CLN8: variants seen among roughly 807,000 people sequenced by gnomAD.
CLN8 encodes CLN8 transmembrane ER and ERGIC protein, also known as protein CLN8.
CLN8 carries 14 observed loss-of-function variants against 15.7 expected under a neutral mutation model. The ratio of observed to expected loss-of-function variants is 0.89; its 90% CI spans 0.59 to 1.39. The LOEUF is 1.39. CLN8 is among the 40% of genes most tolerant of loss of function. The pLI, the probability that CLN8 is intolerant of heterozygous loss-of-function variation, is 0.00. For missense variants in CLN8, 415 were observed against 364.0 expected, an observed-to-expected ratio of 1.14 and a Z score of -1.14; for synonymous variants, 188 against 151.0, an observed-to-expected ratio of 1.25 and a Z score of -1.80.
rs1369017722 is a variant in CLN8 at position 1,781,952 on chromosome 8, A to AG, written c.*1385_*1386insG. The AG allele has an allele frequency of 6.8e-5, 6 of 87,852 alleles. No homozygotes were observed. Among genetic ancestry groups the AG allele is most frequent in the Admixed American group, 4.2e-4 (4 of 9,430 alleles). The allele number at this position is 87,852 out of a possible 1,614,324, so 5.4% of individuals were successfully genotyped here. On this transcript the variant is annotated 3_prime_UTR_variant, in exon 3 of 3. Transcript: ENST00000331222. The stretch of plus-strand genomic sequence containing the variant: ...GCAATGTTGTTAACAGACATACAGA[A>AG]TTGTGTGTGTGTGTGTGTGTGTGTG...
Position 1,777,649 on chromosome 8 carries a change from C to T in CLN8, c.544-2601C>T, listed in dbSNP as rs189698078. ...TTTTAAATTGTTGAAATCTAAGATG[C>T]AAATACACATTCATCCAGCCCTGCA... is the stretch of plus-strand genomic sequence containing the variant. On this transcript the variant is annotated intron_variant, in intron 2 of 2. Transcript: ENST00000331222. Among the ~76,000 whole-genome samples the T allele has an allele frequency of 2.1e-3, 313 of 151,996 alleles. 4 individuals are homozygous for T. The highest frequency in any genetic ancestry group is 7.2e-3 in the African/African-American group (300 of 41,434).
At position 1,771,319 on chromosome 8, in the gene CLN8, C is replaced by A; in HGVS notation, c.265C>A (p.Pro89Thr). The A allele has an allele frequency of 6.2e-7, 1 of 1,614,140 alleles. No individual in the cohort carries two copies. Among genetic ancestry groups the A allele is most frequent in the Non-Finnish European group, 8.5e-7 (1 of 1,180,034 alleles). The change falls in exon 2 of 3, where the codon CCT becomes ACT. Residue 89 changes from proline (P) to threonine (T), a missense_variant. Coordinates refer to ENST00000331222, the MANE Select transcript of CLN8 (RefSeq NM_018941.4). ...AAGLWALLGD[P>T]VLHADKARGQ... ...AGGCCTGTGGGCTCTGCTGGGGGAC[C>A]CTGTGCTGCATGCCGACAAGGCGCG...
chr8:1,780,463 A>G lies in CLN8; in HGVS notation c.757A>G (p.Lys253Glu), dbSNP rs1801681007. The change falls in exon 3 of 3, where the codon AAG (lysine) becomes GAG (glutamate). Residue 253 changes from lysine (K) to glutamate (E), a missense_variant. Lys to Glu is a moderately conservative substitution (Grantham distance 56, BLOSUM62 1). Transcript: ENST00000331222. ...CATTAATCCATATTGGACCCATAAG[A>G]AGACTCAGCAGCTTCTCAATCCGGT... is the stretch of plus-strand genomic sequence containing the variant. ...LIINPYWTHKKTQQLLNPVDW... is the reference protein window; with the variant it reads ...LIINPYWTHKETQQLLNPVDW... The G allele has an allele frequency of 1.2e-6, 2 of 1,614,084 alleles. No homozygotes were observed. The highest frequency in any genetic ancestry group is 1.7e-5 in the Admixed American group (1 of 60,000).
upstream of CLN8, among the ~76,000 whole-genome samples, chr8:1,761,632 TCA>T (rs1399054807): frequency 2.0e-5 from 3 of 152,172 alleles, no homozygotes; most frequent in Non-Finnish European, 4.4e-5. Flanking sequence ...GCCCTGGAGT[TCA>T]GAGTTTTTAA....
At chr8:1,766,073 G>C (rs1462119907) in intron 1 of CLN8, among the ~76,000 whole-genome samples, 1 of 152,200 alleles carries the variant, frequency 6.6e-6, no homozygotes, top group Non-Finnish European at 1.5e-5. Context: ...CACTGAGCCT[G>C]GTTCCTGGTC....
intron 2 of CLN8, chr8:1,773,668 C>T (rs1801402607): frequency 6.6e-6 from 1 of 152,538 alleles, no homozygotes; most frequent in Non-Finnish European, 1.5e-5. Context: ...GGATGCAGGT[C>T]AGGGCTGTGA....
upstream of CLN8, among the ~76,000 whole-genome samples, chr8:1,753,590 G>C (rs1037815794): frequency 8.8e-6 from 1 of 113,268 alleles, no homozygotes; most frequent in Non-Finnish European, 1.9e-5. Context: ...AAAAAAGAAA[G>C]AAAAAGAAAA....
rs1801781860 is a variant in CLN8, at chr8:1,784,476, G to A, written c.*3909G>A. The A allele has an allele frequency of 2.0e-5, 3 of 152,098 alleles. No individual in the cohort carries two copies. Among genetic ancestry groups the A allele is most frequent in the Admixed American group, 2.0e-4 (3 of 15,260 alleles). The allele number at this position is 152,098 out of a possible 1,614,324, so 9.4% of individuals were successfully genotyped here. ...CATTAAGCCATTTGCAAGAGTAGGG[G>A]GCCCCACCTCTTAATACCACCGCAA... On this transcript the variant is annotated 3_prime_UTR_variant, in exon 3 of 3. Transcript: ENST00000331222.
In CLN8 at chr8:1,771,428, A is replaced by T. The variant is rs142269885; in HGVS notation, c.374A>T (p.Asn125Ile). 6.2e-7 allele frequency: 1 copy of T among 1,614,124 alleles called. No individual in the cohort carries two copies. The highest frequency in any genetic ancestry group is 8.5e-7 in the Non-Finnish European group (1 of 1,180,020). ...CFENVAVHLS[N>I]LIFRTFDLFL... ...GAAAATGTTGCAGTCCACCTGTCCA[A>T]CTTGATCTTCCGGACATTTGACTTG... The change falls in exon 2 of 3, where the codon AAC becomes ATC. Residue 125 changes from asparagine (N) to isoleucine (I), a missense_variant. Transcript: ENST00000331222.
At position 1,771,199 on chromosome 8, in the gene CLN8, C is replaced by T; in HGVS notation, c.145C>T (p.Leu49=). 4 of 1,614,084 alleles carry T rather than the reference C, an allele frequency of 2.5e-6. No homozygotes were observed. The highest frequency in any genetic ancestry group is 3.4e-6 in the Non-Finnish European group (4 of 1,180,022). Residue 49 remains leucine (L), a synonymous_variant, in exon 2 of 3, where the codon CTG becomes TTG. Coordinates refer to ENST00000331222, the MANE Select transcript of CLN8 (RefSeq NM_018941.4). The part of the protein sequence containing the change: ...FVVCHQLSSS[L]NATYRSLVAR... ...GGTCTGCCACCAGCTGTCCTCTTCC[C>T]TGAATGCCACTTACCGTTCTTTGGT...
intron 2 of CLN8, among the ~76,000 whole-genome samples, chr8:1,774,295 C>G (rs566151689): frequency 6.6e-6 from 1 of 152,292 alleles, no homozygotes; most frequent in East Asian, 1.9e-4. Context: ...ACTTCTAACC[C>G]TGCTCATGTT....
chr8:1,755,509 CT>C (rs1203404407), upstream of CLN8, among the ~76,000 whole-genome samples: 1 of 152,216 alleles, frequency 6.6e-6, no homozygotes, highest in African/African-American at 2.4e-5. Context: ...CGTTCTACCC[CT>C]TCAGAGACAG....
At chr8:1,754,798 T>C (rs1429753831), upstream of CLN8, among the ~76,000 whole-genome samples, 3 of 152,168 alleles carry the variant, frequency 2.0e-5, no homozygotes, top group Non-Finnish European at 4.4e-5. Context: ...GGGGAAGGCT[T>C]GGTGGCTCAG....
chr8:1,780,864 AGTGG>A lies in CLN8; in HGVS notation c.*299_*302del, dbSNP rs1801695166. ...CATCGGGGCGTCACACCTGTTGAGG[AGTGG>A]GGTGGCTTTGAATGCTGGAAATGGC... On this transcript the variant is annotated 3_prime_UTR_variant, in exon 3 of 3. Coordinates refer to ENST00000331222, the MANE Select transcript of CLN8 (RefSeq NM_018941.4). The A allele has an allele frequency of 2.1e-6, 1 of 486,120 alleles. No individual in the cohort carries two copies. The highest frequency in any genetic ancestry group is 1.9e-5 in the African/African-American group (1 of 51,796). The allele number at this position is 486,120 out of a possible 1,614,324, so 30.1% of individuals were successfully genotyped here.
At position 1,784,788 on chromosome 8, in the gene CLN8, A is replaced by T. The variant is rs1177082802; in HGVS notation, c.*4221A>T. 1.3e-5 allele frequency: 2 copies of T among 152,622 alleles called. No individual in the cohort carries two copies. Among genetic ancestry groups the T allele is most frequent in the African/African-American group, 4.8e-5 (2 of 41,428 alleles). The allele number at this position is 152,622 out of a possible 1,614,324, so 9.5% of individuals were successfully genotyped here. A position where few individuals can be genotyped will look rare whatever the true frequency, so the allele number is the denominator to read the frequency against. On this transcript the variant is annotated 3_prime_UTR_variant, in exon 3 of 3. Transcript: ENST00000331222. ...GGGACACCTGCTGAGGGGGGAATTTACCACGGTAAGGGCAGGGCTGGGAGG... is the reference window on the plus strand; with the variant it reads ...GGGACACCTGCTGAGGGGGGAATTTTCCACGGTAAGGGCAGGGCTGGGAGG...
At chr8:1,764,890 C>A (rs1020815061) in intron 1 of CLN8, among the ~76,000 whole-genome samples, 3 of 152,220 alleles carry the variant, frequency 2.0e-5, no homozygotes, top group Non-Finnish European at 2.9e-5. Context: ...TGTGTGAAAT[C>A]TGTAACTATC....
rs931245563 is a variant in CLN8 at position 1,785,137 on chromosome 8, C to T, written c.*4570C>T. The T allele has an allele frequency of 8.8e-5, 14 of 159,320 alleles. No individual in the cohort carries two copies. Among genetic ancestry groups the T allele is most frequent in the African/African-American group, 2.6e-4 (11 of 41,548 alleles). The allele number at this position is 159,320 out of a possible 1,614,324, so 9.9% of individuals were successfully genotyped here. A position where few individuals can be genotyped will look rare whatever the true frequency, so the allele number is the denominator to read the frequency against. ...CACGCAGACAGAAGCGGAGGGGCTC[C>T]GTCGCTCTGCCCTCACGCCGCTGAA... On this transcript the variant is annotated 3_prime_UTR_variant, in exon 3 of 3. Transcript: ENST00000331222.
upstream of CLN8, chr8:1,759,604 G>C (rs1422604319): frequency 6.6e-6 from 1 of 152,214 alleles, no homozygotes; most frequent in Admixed American, 6.5e-5. Flanking sequence ...CCAGGTCAGA[G>C]CCTTGAGGGC....
intron 1 of CLN8, among the ~76,000 whole-genome samples, chr8:1,770,692 T>C (rs900990650): frequency 6.6e-6 from 1 of 152,164 alleles, no homozygotes; most frequent in South Asian, 2.1e-4. Flanking sequence ...TAGGACCGTG[T>C]GTTCCTGCCA....
Sources: gnomAD v4.1 joint callset for allele counts (sites outside exome capture counted in the v4.1 genomes callset) on GRCh38, gnomAD v4.1.1 for gene constraint, MANE v1.5 for transcripts, NCBI Gene and HGNC (gene_info 2026-07-23, HGNC 2026-07-21) for gene names.